MKS1: variants seen among roughly 807,000 people sequenced by gnomAD.
MKS1 encodes tectonic-like complex member MKS1.
MKS1 carries 70 observed loss-of-function variants against 83.7 expected under a neutral mutation model. That is an observed-to-expected ratio of 0.84 (90% CI 0.69 to 1.02). MKS1 has a LOEUF of 1.02. MKS1 is among the 50% of genes least tolerant of loss of function. The probability of loss-of-function intolerance (pLI) is 0.00; values close to 1 mark genes in which losing one functional copy is unlikely to be tolerated. For missense variants in MKS1, 681 were observed against 726.9 expected, an observed-to-expected ratio of 0.94 and a Z score of 0.73; for synonymous variants, 251 against 273.4, an observed-to-expected ratio of 0.92 and a Z score of 0.81.
chr17:58,207,056 C>G (rs201182520), intron 15 of MKS1, 29 bp downstream of exon 15: 1 of 1,614,048 alleles, frequency 6.2e-7, no homozygotes, highest in South Asian at 1.1e-5. Flanking sequence ...AAGTTCTCAG[C>G]GTGAAGTCAC....
In MKS1 at chr17:58,219,200, C is replaced by A. The variant is rs762103206; in HGVS notation, c.31G>T (p.Gly11Trp). ...TCCCGGGAGCGATACACTGCCTCCC[C>A]GGTGTCAGTGCTCCAGACGGTCTCC... MAETVWSTDT[G>W]EAVYRSRDPV... The change falls in exon 1 of 18, where the codon GGG becomes TGG. Residue 11 changes from glycine (G) to tryptophan (W), a missense_variant. This residue lies in a region of MKS1 where 365 missense variants were observed against 383.8 expected (regional missense o/e 0.95). Transcript: ENST00000393119. 1 of 1,551,146 alleles carries A rather than the reference C, an allele frequency of 6.4e-7. No individual in the cohort carries two copies. Among genetic ancestry groups the A allele is most frequent in the East Asian group, 2.4e-5 (1 of 40,930 alleles).
chr17:58,214,796 A>G lies in MKS1; in HGVS notation c.460T>C (p.Phe154Leu), dbSNP rs576624384. 3 of 1,606,858 alleles carry G rather than the reference A, an allele frequency of 1.9e-6. No individual in the cohort carries two copies. The South Asian group carries it at 3.3e-5, about 18-fold the overall frequency. ...ACATTTGCCATTCGCTCGACCAAGA[A>G]TGAAGGCACCTCGCTGGCTGCAGTG... ...MTTAASEVPS[F>L]LVERMANVRR... Residue 154 changes from phenylalanine to leucine, a missense_variant, in exon 5 of 18, where the codon TTC becomes CTC. Physicochemically the swap from Phe to Leu is conservative, Grantham distance 22. Transcript: ENST00000393119.
Position 58,216,586 on chromosome 17 carries a change from C to A in MKS1, c.261+80G>T, listed in dbSNP as rs1969231547. 1.3e-5 allele frequency: 19 copies of A among 1,459,632 alleles called. No homozygotes were observed. The South Asian group carries it at 2.1e-4, about 16-fold the overall frequency. The allele number at this position is 1,459,632 out of a possible 1,614,324, so 90.4% of individuals were successfully genotyped here. ...AAACTGTTACAACCTGTCTGGAAAT[C>A]ACTTTGGCAATATGTATCACCAGCC... On this transcript the variant is annotated intron_variant, in intron 3 of 17. Coordinates refer to ENST00000393119, the MANE Select transcript of MKS1 (RefSeq NM_017777.4).
rs376833168 is a variant in MKS1 at position 58,206,476 on chromosome 17, C to T, written c.1479G>A (p.Leu493=). 6.2e-6 allele frequency: 10 copies of T among 1,614,058 alleles called. No individual in the cohort carries two copies. The highest frequency in any genetic ancestry group is 8.5e-6 in the Non-Finnish European group (10 of 1,180,024). Residue 493 remains leucine, a synonymous_variant, in exon 16 of 18, where the codon CTG becomes CTA. Coordinates refer to ENST00000393119, the MANE Select transcript of MKS1 (RefSeq NM_017777.4). Reference sequence around the variant, plus strand: ...GCCAAGTCACTCACCTGGACTGCTGCAGACAGTGCAAGCGGAAGGTGACAG... The same window carrying T: ...GCCAAGTCACTCACCTGGACTGCTGTAGACAGTGCAAGCGGAAGGTGACAG... ...TGTVTFRLHC[L]QQSRAFMESS... is the part of the protein sequence containing the mutation.
Position 58,206,034 on chromosome 17 carries a change from T to A in MKS1, c.*45A>T. ...GGCAGGAGAGCACTGGCCTCAGATA[T>A]CCCCCATCTTGTCCTCTTGCACTGT... On this transcript the variant is annotated 3_prime_UTR_variant, in exon 18 of 18. Transcript: ENST00000393119. 5 of 1,575,816 alleles carry A rather than the reference T, an allele frequency of 3.2e-6. No homozygotes were observed. The highest frequency in any genetic ancestry group is 4.3e-6 in the Non-Finnish European group (5 of 1,162,026).
intron 9 of MKS1, 189 bp from the exon 10 acceptor site, chr17:58,211,211 T>G: frequency 4.9e-6 from 3 of 617,264 alleles, no homozygotes; most frequent in Non-Finnish European, 8.7e-6. Context: ...ATTCACAATG[T>G]AGGGGGAAAG....
Position 58,212,550 on chromosome 17 carries a change from A to C in MKS1, c.859-116T>G, listed in dbSNP as rs2143790339. The C allele has an allele frequency of 4.4e-6, 5 of 1,138,670 alleles. No homozygotes were observed. The South Asian group carries it at 6.4e-5, about 14-fold the overall frequency. 70.5% of individuals were successfully genotyped at this position (1,138,670 alleles called of 1,614,324 possible). ...AAGGGTCAGCAAGAGCTGGAGGCGTAAGCACCTGACTCACCGCCATTTTAC... is the reference window on the plus strand; with the variant it reads ...AAGGGTCAGCAAGAGCTGGAGGCGTCAGCACCTGACTCACCGCCATTTTAC... On this transcript the variant is annotated intron_variant, in intron 8 of 17. Coordinates refer to ENST00000393119, the MANE Select transcript of MKS1 (RefSeq NM_017777.4).
chr17:58,207,404 A>T (rs953492124), intron 14 of MKS1, among the ~76,000 whole-genome samples, 186 bp from the exon 15 acceptor site: 12 of 152,124 alleles, frequency 7.9e-5, no homozygotes, highest in African/African-American at 2.9e-4. Flanking sequence ...GAGAAATTCA[A>T]ATTTCCGCTC....
intron 2 of MKS1, among the ~76,000 whole-genome samples, chr17:58,217,059 A>G (rs543473879): frequency 5.3e-5 from 8 of 152,164 alleles, no homozygotes; most frequent in African/African-American, 1.9e-4. Flanking sequence ...GCACTGTTTC[A>G]GCTCACTGCA....
chr17:58,208,363 C>T (rs1169552251), intron 12 of MKS1, 150 bp downstream of exon 12: 9 of 1,009,378 alleles, frequency 8.9e-6, no homozygotes, highest in African/African-American at 3.2e-5. Flanking sequence ...ACAGGATCTC[C>T]GGACCAGGTG....
Position 58,208,143 on chromosome 17 carries a change from GTGAA to G in MKS1, c.1123_1126del (p.Phe375ArgfsTer54). The G allele has an allele frequency of 6.2e-7, 1 of 1,613,848 alleles. No individual in the cohort carries two copies. Among genetic ancestry groups the G allele is most frequent in the African/African-American group, 1.3e-5 (1 of 75,042 alleles). Reference sequence around the variant, plus strand: ...CTCATGGAGGAAGAAGGCTTCAAACGTGAATGGGTAGGAGAAGTGAGCCACCTTG... The same window carrying G: ...CTCATGGAGGAAGAAGGCTTCAAACGTGGGTAGGAGAAGTGAGCCACCTTG... On this transcript the variant is annotated frameshift_variant, in exon 13 of 18. Coordinates refer to ENST00000393119, the MANE Select transcript of MKS1 (RefSeq NM_017777.4). LOFTEE classifies it high-confidence loss of function.
chr17:58,210,857 G>T, intron 10 of MKS1, 123 bp downstream of exon 10: 1 of 1,450,406 alleles, frequency 6.9e-7, no homozygotes, highest in Non-Finnish European at 9.7e-7. Flanking sequence ...TTCCAGGAAA[G>T]ACTCACCACT....
chr17:58,206,597 C>A (rs778481228), intron 15 of MKS1, 50 bp from the exon 16 acceptor site: 5 of 1,540,164 alleles, frequency 3.2e-6, no homozygotes, highest in Non-Finnish European at 4.5e-6. Context: ...CTCTAGACAC[C>A]CCCGCACCAT....
rs1031066249 is a variant in MKS1, at chr17:58,205,864, A to AG, written c.*214dup. The AG allele has an allele frequency of 5.8e-5, 83 of 1,435,126 alleles. No homozygotes were observed. The highest frequency in any genetic ancestry group is 2.6e-4 in the Middle Eastern group (1 of 3,890). The allele number at this position is 1,435,126 out of a possible 1,614,324, so 88.9% of individuals were successfully genotyped here. On this transcript the variant is annotated 3_prime_UTR_variant, in exon 18 of 18. Transcript: ENST00000393119. ...CCATTGACAGTGGCTGCAAATATAAAGGGGGGGCCACAGGGTCTCTGGCTT... is the reference window on the plus strand; with the variant it reads ...CCATTGACAGTGGCTGCAAATATAAAGGGGGGGGCCACAGGGTCTCTGGCTT...
intron 15 of MKS1, 57 bp from the exon 16 acceptor site, chr17:58,206,604 C>T: frequency 6.7e-7 from 1 of 1,496,980 alleles, no homozygotes; most frequent in Non-Finnish European, 9.2e-7. Flanking sequence ...CACCCCCGCA[C>T]CATGCTGGCC....
At chr17:58,207,331 T>C in intron 14 of MKS1, 113 bp from the exon 15 acceptor site, 1 of 1,442,568 alleles carries the variant, frequency 6.9e-7, no homozygotes, top group Non-Finnish European at 9.6e-7. Flanking sequence ...GGTCTGGTGA[T>C]GACCTGGCCT....
Position 58,219,212 on chromosome 17 carries a change from T to G in MKS1, c.19A>C (p.Ser7Arg). The G allele has an allele frequency of 6.4e-7, 1 of 1,550,950 alleles. No individual in the cohort carries two copies. Among genetic ancestry groups the G allele is most frequent in the South Asian group, 1.2e-5 (1 of 84,056 alleles). MAETVWSTDTGEAVYRS... is the reference protein window; with the variant it reads MAETVWRTDTGEAVYRS... The stretch of plus-strand genomic sequence containing the variant: ...TACACTGCCTCCCCGGTGTCAGTGC[T>G]CCAGACGGTCTCCGCCATGACAGCT... The change falls in exon 1 of 18, where the codon AGC (serine) becomes CGC (arginine). Residue 7 changes from serine (S) to arginine (R), a missense_variant. Ser to Arg is a moderately radical substitution (Grantham distance 110). This residue lies in a region of MKS1 where 365 missense variants were observed against 383.8 expected (regional missense o/e 0.95). Coordinates refer to ENST00000393119, the MANE Select transcript of MKS1 (RefSeq NM_017777.4).
rs1234553537 is a variant in MKS1 at position 58,214,288 on chromosome 17, G to A, written c.615C>T (p.His205=). 6.2e-7 allele frequency: 1 copy of A among 1,614,058 alleles called. No homozygotes were observed. Among genetic ancestry groups the A allele is most frequent in the African/African-American group, 1.3e-5 (1 of 74,920 alleles). ...TATAGGGCCCCAGGTCTGCCATGAT[G>A]TGCATTGTCTGAAGAGGGGTGTTAA... ...HVINTPLQTM[H]IMADLGPYKK... is the part of the protein sequence containing the mutation. The change falls in exon 6 of 18, where the codon CAC becomes CAT. Residue 205 remains histidine (H), a synonymous_variant. Coordinates refer to ENST00000393119, the MANE Select transcript of MKS1 (RefSeq NM_017777.4).
At position 58,206,997 on chromosome 17, in the gene MKS1, C is replaced by G. The variant is rs548109601; in HGVS notation, c.1407+88G>C. ...GGGTTAATACTGAAGCAATGCACAA[C>G]TAAGGGGTCTTGACCCAGATCCCAC... On this transcript the variant is annotated intron_variant, in intron 15 of 17. Coordinates refer to ENST00000393119, the MANE Select transcript of MKS1 (RefSeq NM_017777.4). 3 of 1,572,224 alleles carry G rather than the reference C, an allele frequency of 1.9e-6. No homozygotes were observed. In the Admixed American group the frequency reaches 5.0e-5, roughly 26 times the overall value.
Sources: gnomAD v4.1 joint callset for allele counts (sites outside exome capture counted in the v4.1 genomes callset) on GRCh38, gnomAD v4.1.1 for gene constraint, gnomAD v4.1.1 regional missense constraint, MANE v1.5 for transcripts, NCBI Gene and HGNC (gene_info 2026-07-23, HGNC 2026-07-21) for gene names.